Variants in GRM4 observed in about 807,000 individuals in gnomAD.
GRM4 encodes the protein glutamate metabotropic receptor 4, also known as metabotropic glutamate receptor 4.
In GRM4, 28 loss-of-function variants were observed where a neutral mutation model predicts 81.7. That is an observed-to-expected ratio of 0.34 (90% CI 0.25 to 0.47). The LOEUF (loss-of-function observed/expected upper bound fraction) is 0.47, where lower values mean the gene tolerates loss of function less well. Among genes scored for constraint, GRM4 ranks in the 20% least tolerant of loss-of-function variants. The probability of loss-of-function intolerance (pLI) is 1.00; values close to 1 mark genes in which losing one functional copy is unlikely to be tolerated. For missense variants in GRM4, 948 were observed against 1,290.0 expected, an observed-to-expected ratio of 0.73 and a Z score of 4.06; for synonymous variants, 488 against 528.8, an observed-to-expected ratio of 0.92 and a Z score of 1.06.
intron 2 of GRM4, among the ~76,000 whole-genome samples, chr6:34,104,922 G>A (rs746376679): frequency 1.6e-4 from 24 of 152,130 alleles, no homozygotes; most frequent in Admixed American, 1.5e-3. Flanking sequence ...AGGCAGGGGC[G>A]GGGCTGGGAA....
intron 3 of GRM4, among the ~76,000 whole-genome samples, chr6:34,065,837 C>T (rs982332579): frequency 6.6e-6 from 1 of 152,246 alleles, no homozygotes; most frequent in African/African-American, 2.4e-5. Context: ...GAGGCCTTGC[C>T]CAGGGGCACA....
In GRM4 at chr6:34,110,603, T is replaced by C. The variant is rs1769333559; in HGVS notation, c.520-18504A>G. ...TTCTCAGAGAGGTTGTTGCTGAATATCTCAGCCACAGCAGCCCTGCTCCCT... is the reference window on the plus strand; with the variant it reads ...TTCTCAGAGAGGTTGTTGCTGAATACCTCAGCCACAGCAGCCCTGCTCCCT... On this transcript the variant is annotated intron_variant, in intron 2 of 10. Transcript: ENST00000538487. 5.5e-6 allele frequency: 4 copies of C among 731,458 alleles called. No homozygotes were observed. The East Asian group carries it at 8.5e-5, about 16-fold the overall frequency. 45.3% of individuals were successfully genotyped at this position (731,458 alleles called of 1,614,324 possible). A position where few individuals can be genotyped will look rare whatever the true frequency, so the allele number is the denominator to read the frequency against.
intron 6 of GRM4, among the ~76,000 whole-genome samples, chr6:34,052,102 T>C (rs1214372269): frequency 6.6e-6 from 1 of 152,168 alleles, no homozygotes; most frequent in Non-Finnish European, 1.5e-5. Flanking sequence ...ACAGGAGCCC[T>C]CTCTGCCCAG....
At chr6:34,154,985 C>T (rs373779247) in intron 1 of GRM4, 5 of 1,072,146 alleles carry the variant, frequency 4.7e-6, no homozygotes, top group Non-Finnish European at 2.5e-6. Flanking sequence ...CGGGTCCGAG[C>T]GGGACCCAGG....
intron 6 of GRM4, among the ~76,000 whole-genome samples, chr6:34,046,479 G>A (rs13211063): frequency 0.014 from 2,074 of 152,284 alleles, 28 homozygotes; most frequent in Middle Eastern, 0.041. Context: ...GCATGAGGAG[G>A]GGACAGGGAG....
chr6:34,034,768 C>T lies in GRM4; in HGVS notation c.2442+900G>A, dbSNP rs768634888. ...GAGGCCAGGGAGGCCAACTGGCTTG[C>T]CCAGATCCCACACTTATACATGGCA... On this transcript the variant is annotated intron_variant, in intron 9 of 10. Transcript: ENST00000538487. This position sits in a 1 kb window ranked among gnomAD's most constrained non-coding sequence, Gnocchi z 4.0. Among the ~76,000 whole-genome samples the T allele has an allele frequency of 1.7e-4, 26 of 152,370 alleles. No homozygotes were observed. The highest frequency in any genetic ancestry group is 2.9e-4 in the Non-Finnish European group (20 of 68,044).
intron 6 of GRM4, among the ~76,000 whole-genome samples, chr6:34,053,781 G>A (rs113022533): frequency 2.0e-5 from 3 of 152,188 alleles, no homozygotes; most frequent in African/African-American, 7.2e-5. Flanking sequence ...GAATGTCTAG[G>A]GTAACCGTAT....
chr6:34,120,795 T>C (rs1393614140), intron 2 of GRM4, among the ~76,000 whole-genome samples: 1 of 152,112 alleles, frequency 6.6e-6, no homozygotes, highest in East Asian at 1.9e-4. Context: ...AGGGTTTCAT[T>C]GTGTTAGCCA....
Position 34,019,552 on chromosome 6 carries a change from A to G in GRM4, c.*3269T>C, listed in dbSNP as rs1763798294. On this transcript the variant is annotated 3_prime_UTR_variant, in exon 11 of 11. Transcript: ENST00000538487. ...GTTCTGGAGGGAGCCCAGCGTCTCT[A>G]TTGTCTAGAAGTTCCCCTGCTGGTT... 3 of 152,124 alleles carry G rather than the reference A, an allele frequency of 2.0e-5. No individual in the cohort carries two copies. The highest frequency in any genetic ancestry group is 4.1e-4 in the South Asian group (2 of 4,824). 9.4% of individuals were successfully genotyped at this position (152,124 alleles called of 1,614,324 possible). A position where few individuals can be genotyped will look rare whatever the true frequency, so the allele number is the denominator to read the frequency against.
chr6:34,098,734 C>T (rs1010298734), intron 2 of GRM4, among the ~76,000 whole-genome samples: 1 of 152,240 alleles, frequency 6.6e-6, no homozygotes, highest in South Asian at 2.1e-4. Flanking sequence ...AAAGCTGTGG[C>T]GGACAGGAAT....
Position 34,133,026 on chromosome 6 carries a change from T to G in GRM4, c.471A>C (p.Ser157=). 6.2e-7 allele frequency: 1 copy of G among 1,613,416 alleles called. No homozygotes were observed. The highest frequency in any genetic ancestry group is 1.7e-5 in the Admixed American group (1 of 59,950). Residue 157 remains serine, a synonymous_variant, in exon 2 of 11, where the codon TCA becomes TCC. Transcript: ENST00000538487. The surrounding 1 kb of genome is among the most constrained non-coding windows in gnomAD (Gnocchi z 6.5). The part of the protein sequence containing the change: ...PERVVGVIGA[S]GSSVSIMVAN... Reference sequence around the variant, plus strand: ...CCACCATGATGGAGACCGAGCTCCCTGAAGCACCGATGACACCCACCACAC... The same window carrying G: ...CCACCATGATGGAGACCGAGCTCCCGGAAGCACCGATGACACCCACCACAC...
Position 34,092,249 on chromosome 6 carries a change from CA to C in GRM4, c.520-151del. ...TCCCCATGGGCGATGCCTCCTCCTC[CA>C]GAAAGTCTCCCAACCGGCCTCCCTG... On this transcript the variant is annotated intron_variant, in intron 2 of 10. Transcript: ENST00000538487. The surrounding 1 kb of genome is among the most constrained non-coding windows in gnomAD (Gnocchi z 6.8). 1.6e-6 allele frequency: 1 copy of C among 610,096 alleles called. No individual in the cohort carries two copies. The highest frequency in any genetic ancestry group is 4.3e-4 in the Middle Eastern group (1 of 2,306). The allele number at this position is 610,096 out of a possible 1,614,324, so 37.8% of individuals were successfully genotyped here.
chr6:34,057,555 T>C (rs2451358), intron 5 of GRM4, among the ~76,000 whole-genome samples: 53,892 of 151,980 alleles, frequency 0.35, 12,698 homozygotes, highest in African/African-American at 0.67. Context: ...TACTGAGCAG[T>C]ACCCCGACCT....
chr6:34,137,335 G>A (rs1770501505), intron 1 of GRM4, among the ~76,000 whole-genome samples: 1 of 152,258 alleles, frequency 6.6e-6, no homozygotes, highest in South Asian at 2.1e-4. Flanking sequence ...GCAGGGATGA[G>A]AGCGACTGGG....
At position 34,130,274 on chromosome 6, in the gene GRM4, GCCGGCT is replaced by G; in HGVS notation, c.519+2698_519+2703del. ...AGGGACCCAGGGAATGCAGGCCACA[GCCGGCT>G]GGTTTTCTCCCCGCTGTCCCTCCCT... On this transcript the variant is annotated intron_variant, in intron 2 of 10. Transcript: ENST00000538487. This position sits in a 1 kb window ranked among gnomAD's most constrained non-coding sequence, Gnocchi z 4.1. Among the ~76,000 whole-genome samples the G allele has an allele frequency of 6.6e-6, 1 of 152,318 alleles. No individual in the cohort carries two copies. The highest frequency in any genetic ancestry group is 1.5e-5 in the Non-Finnish European group (1 of 68,010).
In GRM4 at chr6:34,152,084, C is replaced by G. The variant is rs1771058048; in HGVS notation, c.312+2995G>C. 6.6e-6 allele frequency among the ~76,000 whole-genome samples: 1 copy of G among 152,210 alleles called. No individual in the cohort carries two copies. The highest frequency in any genetic ancestry group is 1.5e-5 in the Non-Finnish European group (1 of 68,040). The stretch of plus-strand genomic sequence containing the variant: ...GGCAAAGACCACACAAGCTCGTTAA[C>G]TGATCGGCAGTTGAGAATACCAGGT... On this transcript the variant is annotated intron_variant, in intron 1 of 8. Coordinates refer to the GRM4 transcript ENST00000374177. The surrounding 1 kb of genome is among the most constrained non-coding windows in gnomAD (Gnocchi z 4.1).
In GRM4 at chr6:34,097,823, G is replaced by A. The variant is rs78648401; in HGVS notation, c.520-5724C>T. ...CAGTCAGGGTTGAAATCCCCACCAC[G>A]AACCCCACAAGTCAAGTGGGCTCAA... On this transcript the variant is annotated intron_variant, in intron 2 of 10. Coordinates refer to ENST00000538487, the MANE Select transcript of GRM4 (RefSeq NM_000841.4). 7.2e-3 allele frequency among the ~76,000 whole-genome samples: 1,090 copies of A among 152,252 alleles called. 7 individuals carry two copies. The highest frequency in any genetic ancestry group is 0.011 in the South Asian group (52 of 4,814).
chr6:34,024,236 C>T (rs1208570793), intron 10 of GRM4: 1 of 164,762 alleles, frequency 6.1e-6, no homozygotes, highest in East Asian at 1.6e-4. Context: ...TGTTCTTCCT[C>T]ATGAAATACA....
chr6:34,053,559 A>T (rs917997757), intron 6 of GRM4, among the ~76,000 whole-genome samples: 1 of 152,162 alleles, frequency 6.6e-6, no homozygotes, highest in African/African-American at 2.4e-5. Flanking sequence ...GTCAGCTGAG[A>T]CATACCGCGT....
Sources: gnomAD v4.1 joint callset for allele counts (sites outside exome capture counted in the v4.1 genomes callset) on GRCh38, gnomAD v4.1.1 for gene constraint, Gnocchi (gnomAD v3.1) non-coding constraint, MANE v1.5 for transcripts, NCBI Gene and HGNC (gene_info 2026-07-23, HGNC 2026-07-21) for gene names.